The following SKOR1 variants were observed in gnomAD, a reference collection of about 807,000 sequenced individuals.
SKOR1 encodes LBX1 corepressor 1.
Under a neutral mutation model 72.4 loss-of-function variants are expected in SKOR1, and 38 were observed. The ratio of observed to expected loss-of-function variants is 0.52; its 90% CI spans 0.40 to 0.69. The LOEUF (loss-of-function observed/expected upper bound fraction) is 0.69, where lower values mean the gene tolerates loss of function less well. Among genes scored for constraint, SKOR1 ranks in the 30% least tolerant of loss-of-function variants. SKOR1 has a pLI of 0.00. For synonymous variants in SKOR1, 642 were observed against 599.4 expected (o/e 1.07, Z -1.04); for missense variants, 1,320 against 1,343.2 (o/e 0.98, Z 0.27).
chr15:67,831,424 T>G (rs1188476592), intron 5 of SKOR1, among the ~76,000 whole-genome samples: 1 of 152,214 alleles, frequency 6.6e-6, no homozygotes, highest in African/African-American at 2.4e-5. Flanking sequence ...CTGCTCAGCC[T>G]GTAAGGAGGA....
In SKOR1 at chr15:67,832,801, T is replaced by A. The variant is rs2091019052; in HGVS notation, c.2737+120T>A. ...GAAGGTAATTTAACAATTATTTTTT[T>A]ATTTAATATGCTTTGTATACTCTGA... On this transcript the variant is annotated intron_variant, in intron 7 of 8. Coordinates refer to ENST00000380035, the MANE Select transcript of SKOR1 (RefSeq NM_001365915.1). The surrounding 1 kb of genome is among the most constrained non-coding windows in gnomAD (Gnocchi z 4.5). The A allele has an allele frequency of 7.2e-6, 6 of 834,714 alleles. No homozygotes were observed. The highest frequency in any genetic ancestry group is 3.4e-5 in the African/African-American group (2 of 58,346). The allele number at this position is 834,714 out of a possible 1,614,324, so 51.7% of individuals were successfully genotyped here. A position where few individuals can be genotyped will look rare whatever the true frequency, so the allele number is the denominator to read the frequency against.
chr15:67,831,905 G>C (rs11634105), intron 5 of SKOR1, among the ~76,000 whole-genome samples: 19,253 of 139,244 alleles, frequency 0.14, 1,611 homozygotes, highest in East Asian at 0.16. Flanking sequence ...CGGCGGTGCG[G>C]GGGGGGGAGG....
chr15:67,832,821 C>A lies in SKOR1; in HGVS notation c.2737+140C>A. The A allele has an allele frequency of 4.2e-6, 3 of 711,368 alleles. No individual in the cohort carries two copies. The highest frequency in any genetic ancestry group is 2.6e-5 in the Admixed American group (1 of 39,208). The allele number at this position is 711,368 out of a possible 1,614,324, so 44.1% of individuals were successfully genotyped here. A position where few individuals can be genotyped will look rare whatever the true frequency, so the allele number is the denominator to read the frequency against. On this transcript the variant is annotated intron_variant, in intron 7 of 8. Transcript: ENST00000380035. This position sits in a 1 kb window ranked among gnomAD's most constrained non-coding sequence, Gnocchi z 4.5. ...TTTTTTATTTAATATGCTTTGTATA[C>A]TCTGATTAGCCTCAGAATGGCAAGC...
chr15:67,833,708 G>A lies in SKOR1; in HGVS notation c.2804-34G>A. On this transcript the variant is annotated intron_variant, in intron 8 of 8. Transcript: ENST00000380035. This position sits in a 1 kb window ranked among gnomAD's most constrained non-coding sequence, Gnocchi z 6.0. ...TGCGCGGTGAGGTGAGCCTGGAGAG[G>A]CGCCCAGAGTGACCCTCGCGACTGT... 3.1e-6 allele frequency: 5 copies of A among 1,605,650 alleles called. No individual in the cohort carries two copies. Among genetic ancestry groups the A allele is most frequent in the Non-Finnish European group, 4.3e-6 (5 of 1,173,198 alleles).
chr15:67,830,442 T>C (rs933176876), intron 4 of SKOR1, 144 bp downstream of exon 4: 42 of 747,356 alleles, frequency 5.6e-5, no homozygotes, highest in Middle Eastern at 7.5e-4. Context: ...CAGATAAATA[T>C]TTAACGCGAG....
Position 67,833,898 on chromosome 15 carries a change from T to G in SKOR1, c.*62T>G. On this transcript the variant is annotated 3_prime_UTR_variant, in exon 9 of 9. Coordinates refer to ENST00000380035, the MANE Select transcript of SKOR1 (RefSeq NM_001365915.1). This position sits in a 1 kb window ranked among gnomAD's most constrained non-coding sequence, Gnocchi z 6.0. ...GCTGCTCCTTGTAAATACCCGCTGC[T>G]GCGGTGGCCCTGAGCGAGGAACAAG... 1 of 1,535,308 alleles carries G rather than the reference T, an allele frequency of 6.5e-7. No homozygotes were observed. The highest frequency in any genetic ancestry group is 1.7e-5 in the Admixed American group (1 of 59,848).
intron 2 of SKOR1, 93 bp downstream of exon 2, chr15:67,828,237 C>T: frequency 7.4e-7 from 1 of 1,359,304 alleles, no homozygotes. Flanking sequence ...GAATTTTGTT[C>T]CGCGCAGGCG....
rs1566977605 is a variant in SKOR1 at position 67,833,404 on chromosome 15, C to G, written c.2803+147C>G. ...GGAGAAAAGTGGGAACTGATTTTAACGGGAAGATTATTCTAGGATGGTGGG... is the reference window on the plus strand; with the variant it reads ...GGAGAAAAGTGGGAACTGATTTTAAGGGGAAGATTATTCTAGGATGGTGGG... On this transcript the variant is annotated intron_variant, in intron 8 of 8. Transcript: ENST00000380035. This position sits in a 1 kb window ranked among gnomAD's most constrained non-coding sequence, Gnocchi z 6.0. 6.5e-6 allele frequency: 6 copies of G among 918,664 alleles called. No individual in the cohort carries two copies. The East Asian group carries it at 1.3e-4, about 20-fold the overall frequency. 56.9% of individuals were successfully genotyped at this position (918,664 alleles called of 1,614,324 possible).
chr15:67,832,791 AT>A lies in SKOR1; in HGVS notation c.2737+112del. On this transcript the variant is annotated intron_variant, in intron 7 of 8. Coordinates refer to ENST00000380035, the MANE Select transcript of SKOR1 (RefSeq NM_001365915.1). The surrounding 1 kb of genome is among the most constrained non-coding windows in gnomAD (Gnocchi z 4.5). ...GATTTAAATTGAAGGTAATTTAACA[AT>A]TATTTTTTTATTTAATATGCTTTGT... is the stretch of plus-strand genomic sequence containing the variant. The A allele has an allele frequency of 5.4e-6, 5 of 918,518 alleles. No homozygotes were observed. Among genetic ancestry groups the A allele is most frequent in the Non-Finnish European group, 8.5e-6 (5 of 586,236 alleles). The allele number at this position is 918,518 out of a possible 1,614,324, so 56.9% of individuals were successfully genotyped here.
intron 2 of SKOR1, 39 bp from the exon 3 acceptor site, chr15:67,829,140 G>T (rs779285644): frequency 5.3e-6 from 8 of 1,501,102 alleles, no homozygotes; most frequent in Non-Finnish European, 6.2e-6. Context: ...CCGCCGCAGG[G>T]CGCCACCCTA....
intron 4 of SKOR1, among the ~76,000 whole-genome samples, 189 bp from the exon 5 acceptor site, chr15:67,830,629 G>A (rs760967396): frequency 7.9e-5 from 12 of 152,238 alleles, no homozygotes; most frequent in Middle Eastern, 6.8e-3. Context: ...TCTCCTCCAG[G>A]GGTCACTCTC....
At position 67,827,465 on chromosome 15, in the gene SKOR1, G is replaced by C; in HGVS notation, c.1637G>C (p.Gly546Ala). The stretch of plus-strand genomic sequence containing the variant: ...GGTGCCGAGCCAGCCAAAGAGAGTG[G>C]CCTCGGCGCGGAGGAGCGCTGCCCG... ...LDGAEPAKES[G>A]LGAEERCPSA... The change falls in exon 2 of 9, where the codon GGC becomes GCC. Residue 546 changes from glycine to alanine, a missense_variant. Gly to Ala is a moderately conservative substitution (Grantham distance 60). Transcript: ENST00000380035. 1 of 1,521,630 alleles carries C rather than the reference G, an allele frequency of 6.6e-7. No homozygotes were observed. Among genetic ancestry groups the C allele is most frequent in the Admixed American group, 2.0e-5 (1 of 49,720 alleles). 94.3% of individuals were successfully genotyped at this position (1,521,630 alleles called of 1,614,324 possible). A position where few individuals can be genotyped will look rare whatever the true frequency, so the allele number is the denominator to read the frequency against.
rs1182534932 is a variant in SKOR1 at position 67,832,019 on chromosome 15, C to T, written c.2588-255C>T. On this transcript the variant is annotated intron_variant, in intron 5 of 8. Coordinates refer to ENST00000380035, the MANE Select transcript of SKOR1 (RefSeq NM_001365915.1). The surrounding 1 kb of genome is among the most constrained non-coding windows in gnomAD (Gnocchi z 4.5). ...AGTGAGGAACAACTTAAAGCAGTTG[C>T]CCAGCTGCATAGTTCCTGGAGCCAG... is the stretch of plus-strand genomic sequence containing the variant. Among the ~76,000 whole-genome samples, 1 of 151,984 alleles carries T rather than the reference C, an allele frequency of 6.6e-6. No homozygotes were observed. The highest frequency in any genetic ancestry group is 2.4e-5 in the African/African-American group (1 of 41,284).
Position 67,826,221 on chromosome 15 carries a change from G to T in SKOR1, c.393G>T (p.Thr131=), listed in dbSNP as rs764655301. The T allele has an allele frequency of 5.6e-6, 9 of 1,613,112 alleles. No individual in the cohort carries two copies. The highest frequency in any genetic ancestry group is 5.9e-6 in the Non-Finnish European group (7 of 1,180,030). Residue 131 remains threonine (T), a synonymous_variant, in exon 2 of 9, where the codon ACG becomes ACT. Coordinates refer to ENST00000380035, the MANE Select transcript of SKOR1 (RefSeq NM_001365915.1). ...TGGGCATCACGTGCGTGCAGTGCAC[G>T]CCGGTACAGCTGGAGATTCTGCGTC... ...VALGITCVQC[T]PVQLEILRRA...
At chr15:67,830,054 C>T in intron 3 of SKOR1, 137 bp from the exon 4 acceptor site, 1 of 851,642 alleles carries the variant, frequency 1.2e-6, no homozygotes, top group Non-Finnish European at 1.9e-6. Context: ...AGGGCGCGCT[C>T]CTGGGCGCAC....
At chr15:67,828,578 G>T (rs977239181) in intron 2 of SKOR1, among the ~76,000 whole-genome samples, 1 of 152,200 alleles carries the variant, frequency 6.6e-6, no homozygotes, top group African/African-American at 2.4e-5. Context: ...CCTGAGTCGG[G>T]CCCCAGCAGT....
chr15:67,827,583 C>T lies in SKOR1; in HGVS notation c.1755C>T (p.Pro585=), dbSNP rs1164601049. 6.6e-7 allele frequency: 1 copy of T among 1,522,070 alleles called. No individual in the cohort carries two copies. Among genetic ancestry groups the T allele is most frequent in the South Asian group, 1.2e-5 (1 of 82,718 alleles). The allele number at this position is 1,522,070 out of a possible 1,614,324, so 94.3% of individuals were successfully genotyped here. The change falls in exon 2 of 9, where the codon CCC becomes CCT. Residue 585 remains proline (P), a synonymous_variant. Transcript: ENST00000380035. ...CGTTGCCCCCGCCGCCCCCGCCGCC[C>T]GCACGCAAAGGCTCCTACGTGTCGG... ...LAPLPPPPPP[P]ARKGSYVSAF... is the part of the protein sequence containing the mutation.
rs2090970352 is a variant in SKOR1 at position 67,827,399 on chromosome 15, C to T, written c.1571C>T (p.Ala524Val). ...AAAVAAAAAA[A>V]AAAAGSGAPE... ...GCCGTGGCGGCGGCAGCGGCGGCGG[C>T]AGCGGCAGCTGCTGGCAGCGGTGCC... Residue 524 changes from alanine (A) to valine (V), a missense_variant, in exon 2 of 9, where the codon GCA becomes GTA. By Grantham distance (64) the Ala-to-Val change is moderately conservative. Around this residue, in one of 3 missense-constraint regions of SKOR1, gnomAD observed 1,099 missense variants for 1,025.5 expected, o/e 1.07. Coordinates refer to ENST00000380035, the MANE Select transcript of SKOR1 (RefSeq NM_001365915.1). 5 of 1,535,926 alleles carry T rather than the reference C, an allele frequency of 3.3e-6. No homozygotes were observed. The Admixed American group carries it at 5.9e-5, about 18-fold the overall frequency.
In SKOR1 at chr15:67,834,076, A is replaced by T. The variant is rs1472722617; in HGVS notation, c.*240A>T. 5.5e-6 allele frequency: 3 copies of T among 544,634 alleles called. No individual in the cohort carries two copies. The highest frequency in any genetic ancestry group is 6.4e-5 in the East Asian group (2 of 31,086). 33.7% of individuals were successfully genotyped at this position (544,634 alleles called of 1,614,324 possible). ...ACCGCCTCGCGCCTCAAATCCCCCT[A>T]CCCCGTGTGAACTCTAGGGCATCGG... On this transcript the variant is annotated 3_prime_UTR_variant, in exon 9 of 9. Coordinates refer to ENST00000380035, the MANE Select transcript of SKOR1 (RefSeq NM_001365915.1). The surrounding 1 kb of genome is among the most constrained non-coding windows in gnomAD (Gnocchi z 5.8).
Sources: allele counts gnomAD v4.1 joint callset (sites outside exome capture counted in the v4.1 genomes callset), GRCh38; gene constraint gnomAD v4.1.1; regional missense constraint gnomAD v4.1.1; non-coding constraint Gnocchi (gnomAD v3.1); transcripts MANE v1.5; gene names NCBI Gene and HGNC (gene_info 2026-07-23, HGNC 2026-07-21).